Variants in ZFTA observed in about 807,000 individuals in gnomAD.
The protein encoded by ZFTA is zinc finger translocation associated.
Under a neutral mutation model 41.8 loss-of-function variants are expected in ZFTA, and 35 were observed. That is an observed-to-expected ratio of 0.84 (90% CI 0.64 to 1.11). The LOEUF (loss-of-function observed/expected upper bound fraction) is 1.11, where lower values mean the gene tolerates loss of function less well. ZFTA is among the 50% of genes most tolerant of loss of function. The pLI, the probability that ZFTA is intolerant of heterozygous loss-of-function variation, is 0.00. For synonymous variants in ZFTA, 514 were observed against 436.4 expected (o/e 1.18, Z -2.22); for missense variants, 964 against 989.8 (o/e 0.97, Z 0.35).
chr11:63,764,000 G>C lies in ZFTA; in HGVS notation c.1585+38C>G, dbSNP rs2014699375. ...GTCCCTTCTGCCCCAGCAACTGCCC[G>C]GCTCTCCCTCTCCGCCTGCTCTGGC... On this transcript the variant is annotated intron_variant, in intron 4 of 4. Transcript: ENST00000433688. 4.6e-6 allele frequency: 6 copies of C among 1,301,108 alleles called. No homozygotes were observed. In the Admixed American group the frequency reaches 1.5e-4, roughly 32 times the overall value. The allele number at this position is 1,301,108 out of a possible 1,614,324, so 80.6% of individuals were successfully genotyped here.
In ZFTA at chr11:63,763,395, TGACCC is replaced by T. The variant is rs1400467473; in HGVS notation, c.*18_*22del. 2.4e-6 allele frequency: 3 copies of T among 1,268,108 alleles called. No individual in the cohort carries two copies. The highest frequency in any genetic ancestry group is 8.9e-5 in the Admixed American group (2 of 22,392). 78.6% of individuals were successfully genotyped at this position (1,268,108 alleles called of 1,614,324 possible). A position where few individuals can be genotyped will look rare whatever the true frequency, so the allele number is the denominator to read the frequency against. On this transcript the variant is annotated 3_prime_UTR_variant, in exon 5 of 5. Transcript: ENST00000433688. Reference sequence around the variant, plus strand: ...GGGGCCGATCCGACCCGACCCGACCTGACCCGGGGGCCCGCTAGGCCGCTACGCCC... The same window carrying T: ...GGGGCCGATCCGACCCGACCCGACCTGGGGGCCCGCTAGGCCGCTACGCCC...
At position 63,764,041 on chromosome 11, in the gene ZFTA, A is replaced by ACTCCTC. The variant is rs747555071; in HGVS notation, c.1576_1581dup (p.Glu526_Glu527dup). On this transcript the variant is annotated inframe_insertion, in exon 4 of 5. Coordinates refer to ENST00000433688, the MANE Select transcript of ZFTA (RefSeq NM_001144936.2). ...CTGCTCTGGCCCCACCGCTCACCCC[A>ACTCCTC]CTCCTCCTCCTCCTCCTCTGGCTCC... The ACTCCTC allele has an allele frequency of 9.3e-6, 12 of 1,287,710 alleles. No individual in the cohort carries two copies. Among genetic ancestry groups the ACTCCTC allele is most frequent in the African/African-American group, 5.0e-5 (3 of 59,674 alleles). The allele number at this position is 1,287,710 out of a possible 1,614,324, so 79.8% of individuals were successfully genotyped here.
rs1376253656 is a variant in ZFTA at position 63,768,719 on chromosome 11, G to A, written c.-97C>T. On this transcript the variant is annotated 5_prime_UTR_variant, in exon 1 of 5. Coordinates refer to ENST00000433688, the MANE Select transcript of ZFTA (RefSeq NM_001144936.2). ...AGCGCTCGCTGCGCGGGGCCCCGGGGCGCGGGGCGCATGCACGGGGCGGCC... is the reference window on the plus strand; with the variant it reads ...AGCGCTCGCTGCGCGGGGCCCCGGGACGCGGGGCGCATGCACGGGGCGGCC... 2.6e-5 allele frequency: 13 copies of A among 491,386 alleles called. No individual in the cohort carries two copies. Among genetic ancestry groups the A allele is most frequent in the Non-Finnish European group, 3.4e-5 (13 of 381,864 alleles). 30.4% of individuals were successfully genotyped at this position (491,386 alleles called of 1,614,324 possible). A position where few individuals can be genotyped will look rare whatever the true frequency, so the allele number is the denominator to read the frequency against.
chr11:63,760,237 A>G lies in ZFTA; in HGVS notation c.*3181T>C, dbSNP rs1386008765. 3 of 152,272 alleles carry G rather than the reference A, an allele frequency of 2.0e-5. No homozygotes were observed. The East Asian group carries it at 5.8e-4, about 29-fold the overall frequency. The allele number at this position is 152,272 out of a possible 1,614,324, so 9.4% of individuals were successfully genotyped here. On this transcript the variant is annotated 3_prime_UTR_variant, in exon 5 of 5. Transcript: ENST00000433688. The stretch of plus-strand genomic sequence containing the variant: ...TGTAAATTACATATAGCCACAATAC[A>G]CTTAAATTGAGTCAATCACCGTGGA...
chr11:63,768,571 G>T lies in ZFTA; in HGVS notation c.52C>A (p.Pro18Thr). 9.4e-7 allele frequency: 1 copy of T among 1,066,682 alleles called. No individual in the cohort carries two copies. Among genetic ancestry groups the T allele is most frequent in the South Asian group, 3.8e-5 (1 of 26,266 alleles). The allele number at this position is 1,066,682 out of a possible 1,614,324, so 66.1% of individuals were successfully genotyped here. A position where few individuals can be genotyped will look rare whatever the true frequency, so the allele number is the denominator to read the frequency against. The change falls in exon 1 of 5, where the codon CCC becomes ACC. Residue 18 changes from proline (P) to threonine (T), a missense_variant. Around this residue, in one of 5 missense-constraint regions of ZFTA, gnomAD observed 111 missense variants for 93.2 expected, o/e 1.19. Coordinates refer to ENST00000433688, the MANE Select transcript of ZFTA (RefSeq NM_001144936.2). ...RSRSSGGRGG[P>T]GPAVASARGR... The stretch of plus-strand genomic sequence containing the variant: ...CGTGCCGAGGCCACTGCTGGCCCGG[G>T]GCCGCCCCTGCCGCCGCTGCTCCGG...
chr11:63,766,937 G>A (rs982326970), intron 1 of ZFTA, among the ~76,000 whole-genome samples: 1 of 152,250 alleles, frequency 6.6e-6, no homozygotes, highest in Non-Finnish European at 1.5e-5. Context: ...GAGTTTCTGA[G>A]ACTGAAACTT....
In ZFTA at chr11:63,768,585, C is replaced by T; in HGVS notation, c.38G>A (p.Gly13Asp). 29 of 1,045,718 alleles carry T rather than the reference C, an allele frequency of 2.8e-5. No individual in the cohort carries two copies. Among genetic ancestry groups the T allele is most frequent in the Non-Finnish European group, 3.3e-5 (29 of 871,980 alleles). 64.8% of individuals were successfully genotyped at this position (1,045,718 alleles called of 1,614,324 possible). A position where few individuals can be genotyped will look rare whatever the true frequency, so the allele number is the denominator to read the frequency against. The change falls in exon 1 of 5, where the codon GGC (glycine) becomes GAC (aspartate). Residue 13 changes from glycine (G) to aspartate (D), a missense_variant. Transcript: ENST00000433688. ...PGGDHRSRSS[G>D]GRGGPGPAVA... ...TGCTGGCCCGGGGCCGCCCCTGCCG[C>T]CGCTGCTCCGGCTCCGGTGGTCCCC...
chr11:63,766,625 A>T (rs951435496), intron 1 of ZFTA, among the ~76,000 whole-genome samples: 1 of 152,202 alleles, frequency 6.6e-6, no homozygotes, highest in Non-Finnish European at 1.5e-5. Context: ...CAAGAGCCGT[A>T]GGGAGAAAGC....
In ZFTA at chr11:63,766,229, C is replaced by T. The variant is rs1291332517; in HGVS notation, c.215G>A (p.Gly72Glu). 2 of 1,533,374 alleles carry T rather than the reference C, an allele frequency of 1.3e-6. No individual in the cohort carries two copies. The highest frequency in any genetic ancestry group is 1.8e-6 in the Non-Finnish European group (2 of 1,140,124). 95.0% of individuals were successfully genotyped at this position (1,533,374 alleles called of 1,614,324 possible). A position where few individuals can be genotyped will look rare whatever the true frequency, so the allele number is the denominator to read the frequency against. The change falls in exon 2 of 5, where the codon GGA becomes GAA. Residue 72 changes from glycine (G) to glutamate (E), a missense_variant. By Grantham distance (98) the Gly-to-Glu change is moderately conservative. Around this residue, in one of 5 missense-constraint regions of ZFTA, gnomAD observed 111 missense variants for 93.2 expected, o/e 1.19. Coordinates refer to ENST00000433688, the MANE Select transcript of ZFTA (RefSeq NM_001144936.2). ...ATATTTCCTGCCTGAAGATGCTGGT[C>T]CCCTGGCCCTGGAGGAGGGCAGGGG... ...SAPLPSSRAR[G>E]PASSGRKYSD...
chr11:63,765,391 C>G lies in ZFTA; in HGVS notation c.638-137G>C. 5 of 1,020,908 alleles carry G rather than the reference C, an allele frequency of 4.9e-6. No homozygotes were observed. The highest frequency in any genetic ancestry group is 6.7e-6 in the Non-Finnish European group (5 of 743,368). The allele number at this position is 1,020,908 out of a possible 1,614,324, so 63.2% of individuals were successfully genotyped here. A position where few individuals can be genotyped will look rare whatever the true frequency, so the allele number is the denominator to read the frequency against. On this transcript the variant is annotated intron_variant, in intron 2 of 4. Transcript: ENST00000433688. The surrounding 1 kb of genome is among the most constrained non-coding windows in gnomAD (Gnocchi z 4.0). ...CCCTTCTCTTCCTCTCTCCTGAAAT[C>G]CTAACTCCCTAAACCCTCCTCTGCT...
At position 63,763,247 on chromosome 11, in the gene ZFTA, G is replaced by A. The variant is rs896900701; in HGVS notation, c.*171C>T. 21 of 305,794 alleles carry A rather than the reference G, an allele frequency of 6.9e-5. No individual in the cohort carries two copies. Among genetic ancestry groups the A allele is most frequent in the Admixed American group, 1.2e-4 (2 of 17,372 alleles). 18.9% of individuals were successfully genotyped at this position (305,794 alleles called of 1,614,324 possible). On this transcript the variant is annotated 3_prime_UTR_variant, in exon 5 of 5. Coordinates refer to ENST00000433688, the MANE Select transcript of ZFTA (RefSeq NM_001144936.2). ...ACCCAAGTGGCACCGCGCAGACGCC[G>A]GTGGCCCCACCCGATCCCCCGTCTC...
Position 63,763,783 on chromosome 11 carries a change from G to C in ZFTA, c.1672C>G (p.Leu558Val). ...DEEDGQEPGG[L>V]ALPPPPPPPP... Reference sequence around the variant, plus strand: ...GGAGGAGGCGGCGGCGGCAAGGCGAGTCCCCCAGGCTCCTGGCCGTCCTCT... The same window carrying C: ...GGAGGAGGCGGCGGCGGCAAGGCGACTCCCCCAGGCTCCTGGCCGTCCTCT... Residue 558 changes from leucine to valine, a missense_variant, in exon 5 of 5, where the codon CTC becomes GTC. Leu to Val is a conservative substitution (Grantham distance 32). This residue lies in a region of ZFTA where 584 missense variants were observed against 523.1 expected (regional missense o/e 1.12). Coordinates refer to ENST00000433688, the MANE Select transcript of ZFTA (RefSeq NM_001144936.2). 4.1e-6 allele frequency: 6 copies of C among 1,460,500 alleles called. No homozygotes were observed. The highest frequency in any genetic ancestry group is 2.6e-5 in the East Asian group (1 of 38,506). The allele number at this position is 1,460,500 out of a possible 1,614,324, so 90.5% of individuals were successfully genotyped here. A position where few individuals can be genotyped will look rare whatever the true frequency, so the allele number is the denominator to read the frequency against.
chr11:63,762,264 C>G lies in ZFTA; in HGVS notation c.*1154G>C, dbSNP rs971608639. 3 of 152,262 alleles carry G rather than the reference C, an allele frequency of 2.0e-5. No homozygotes were observed. The highest frequency in any genetic ancestry group is 7.2e-5 in the African/African-American group (3 of 41,450). 9.4% of individuals were successfully genotyped at this position (152,262 alleles called of 1,614,324 possible). A position where few individuals can be genotyped will look rare whatever the true frequency, so the allele number is the denominator to read the frequency against. ...CATTTGCACATAAGGGTGACTGGGT[C>G]AGCTCTGTCCCCGCCCCTCCCCCTT... On this transcript the variant is annotated 3_prime_UTR_variant, in exon 5 of 5. Coordinates refer to ENST00000433688, the MANE Select transcript of ZFTA (RefSeq NM_001144936.2).
At chr11:63,768,460 CG>C (rs1395505057) in intron 1 of ZFTA, 23 bp downstream of exon 1, 1 of 1,110,060 alleles carries the variant, frequency 9.0e-7, no homozygotes, top group Non-Finnish European at 1.1e-6. Context: ...GGCCCCCGCC[CG>C]GGCCGCCGGC....
At position 63,762,546 on chromosome 11, in the gene ZFTA, G is replaced by C. The variant is rs1374805617; in HGVS notation, c.*872C>G. 1 of 152,392 alleles carries C rather than the reference G, an allele frequency of 6.6e-6. No homozygotes were observed. The highest frequency in any genetic ancestry group is 1.5e-5 in the Non-Finnish European group (1 of 68,178). The allele number at this position is 152,392 out of a possible 1,614,324, so 9.4% of individuals were successfully genotyped here. A position where few individuals can be genotyped will look rare whatever the true frequency, so the allele number is the denominator to read the frequency against. ...CGCGGACAAAGGGGGATGGGGATGG[G>C]GCGGGAATCGAAGGCTGACTGCCGG... is the stretch of plus-strand genomic sequence containing the variant. On this transcript the variant is annotated 3_prime_UTR_variant, in exon 5 of 5. Coordinates refer to ENST00000433688, the MANE Select transcript of ZFTA (RefSeq NM_001144936.2).
At position 63,763,425 on chromosome 11, in the gene ZFTA, C is replaced by G; in HGVS notation, c.2030G>C (p.Arg677Pro). 2 of 1,341,742 alleles carry G rather than the reference C, an allele frequency of 1.5e-6. No individual in the cohort carries two copies. Among genetic ancestry groups the G allele is most frequent in the Non-Finnish European group, 1.9e-6 (2 of 1,046,276 alleles). The allele number at this position is 1,341,742 out of a possible 1,614,324, so 83.1% of individuals were successfully genotyped here. A position where few individuals can be genotyped will look rare whatever the true frequency, so the allele number is the denominator to read the frequency against. The change falls in exon 5 of 5, where the codon CGG becomes CCG. Residue 677 changes from arginine to proline, a missense_variant. Transcript: ENST00000433688. ...CGGGGGCCCGCTAGGCCGCTACGCC[C>G]GACACACAGCGCCAGACTTGAGGTC... ...GADLKSGAVC[R>P]A is the part of the protein sequence containing the mutation.
At position 63,764,087 on chromosome 11, in the gene ZFTA, C is replaced by T. The variant is rs1163765610; in HGVS notation, c.1536G>A (p.Glu512=). The change falls in exon 4 of 5, where the codon GAG becomes GAA. Residue 512 remains glutamate, a synonymous_variant. Transcript: ENST00000433688. ...IPPGTAAASD[E]GGGDEEEEPE... is the part of the protein sequence containing the mutation. ...GCTCCTCCTCCTCGTCCCCTCCCCCCTCGTCGGAGGCTGCGGCAGTGCCGG... is the reference window on the plus strand; with the variant it reads ...GCTCCTCCTCCTCGTCCCCTCCCCCTTCGTCGGAGGCTGCGGCAGTGCCGG... 3 of 1,346,506 alleles carry T rather than the reference C, an allele frequency of 2.2e-6. No homozygotes were observed. The highest frequency in any genetic ancestry group is 3.1e-5 in the African/African-American group (2 of 64,754). 83.4% of individuals were successfully genotyped at this position (1,346,506 alleles called of 1,614,324 possible). A position where few individuals can be genotyped will look rare whatever the true frequency, so the allele number is the denominator to read the frequency against.
rs1229393546 is a variant in ZFTA at position 63,765,692 on chromosome 11, C to A, written c.637+115G>T. The A allele has an allele frequency of 7.3e-7, 1 of 1,370,108 alleles. No homozygotes were observed. Among genetic ancestry groups the A allele is most frequent in the Non-Finnish European group, 9.5e-7 (1 of 1,048,040 alleles). 84.9% of individuals were successfully genotyped at this position (1,370,108 alleles called of 1,614,324 possible). A position where few individuals can be genotyped will look rare whatever the true frequency, so the allele number is the denominator to read the frequency against. ...ATAAGGGCAATAAACAGACCCCACC[C>A]AGAGGAGGAGCAGTGCCTTGCTCAA... is the stretch of plus-strand genomic sequence containing the variant. On this transcript the variant is annotated intron_variant, in intron 2 of 4. Coordinates refer to ENST00000433688, the MANE Select transcript of ZFTA (RefSeq NM_001144936.2). The surrounding 1 kb of genome is among the most constrained non-coding windows in gnomAD (Gnocchi z 4.0).
At chr11:63,764,731 G>A (rs1369703613) in intron 3 of ZFTA, 133 bp from the exon 4 acceptor site, 6 of 1,349,604 alleles carry the variant, frequency 4.4e-6, no homozygotes, top group Non-Finnish European at 1.9e-6. Flanking sequence ...TCTGGGGGCA[G>A]GGGGAAAGTA....
Sources: allele counts gnomAD v4.1 joint callset (sites outside exome capture counted in the v4.1 genomes callset), GRCh38; gene constraint gnomAD v4.1.1; regional missense constraint gnomAD v4.1.1; non-coding constraint Gnocchi (gnomAD v3.1); transcripts MANE v1.5; gene names NCBI Gene and HGNC (gene_info 2026-07-23, HGNC 2026-07-21).